The following CMTM6 variants were observed in gnomAD, a reference collection of about 807,000 sequenced individuals.
CMTM6 encodes CKLF like MARVEL transmembrane domain containing 6, also known as CKLF-like MARVEL transmembrane domain-containing protein 6.
A neutral mutation model predicts 13.6 loss-of-function variants in CMTM6; 5 were observed. The observed-to-expected ratio is 0.37, with a 90% confidence interval of 0.19 to 0.77. CMTM6 has a LOEUF of 0.77. CMTM6 is among the 30% of genes least tolerant of loss of function. CMTM6 has a pLI of 0.50. For synonymous variants in CMTM6, 99 were observed against 84.5 expected, an observed-to-expected ratio of 1.17 and a Z score of -0.94; for missense variants, 196 against 218.6, an observed-to-expected ratio of 0.90 and a Z score of 0.65.
At position 32,491,405 on chromosome 3, in the gene CMTM6, A is replaced by C. The variant is rs894406524; in HGVS notation, c.315+305T>G. Among the ~76,000 whole-genome samples, 4 of 152,360 alleles carry C rather than the reference A, an allele frequency of 2.6e-5. No individual in the cohort carries two copies. In the East Asian group the frequency reaches 7.7e-4, roughly 29 times the overall value. On this transcript the variant is annotated intron_variant, in intron 2 of 3. Transcript: ENST00000205636. Reference sequence around the variant, plus strand: ...AATAATTGTAGAACCAATGAGTGACACTCAAAAGTGAGAAATCAGAAGTGA... The same window carrying C: ...AATAATTGTAGAACCAATGAGTGACCCTCAAAAGTGAGAAATCAGAAGTGA...
In CMTM6 at chr3:32,483,222, A is replaced by G. The variant is rs1364538219; in HGVS notation, c.*738T>C. ...TGGTATCAGTTTCTTCCATTTTTTT[A>G]TGTGTTACAAAACAATCTTTTTTTT... On this transcript the variant is annotated 3_prime_UTR_variant, in exon 4 of 4. Coordinates refer to ENST00000205636, the MANE Select transcript of CMTM6 (RefSeq NM_017801.3). The G allele has an allele frequency of 6.6e-6, 1 of 152,492 alleles. No homozygotes were observed. The highest frequency in any genetic ancestry group is 1.9e-4 in the East Asian group (1 of 5,196). 9.4% of individuals were successfully genotyped at this position (152,492 alleles called of 1,614,324 possible).
intron 3 of CMTM6, among the ~76,000 whole-genome samples, chr3:32,487,342 T>C (rs558727595): frequency 1.3e-5 from 2 of 151,604 alleles, no homozygotes; most frequent in Admixed American, 6.6e-5. Flanking sequence ...TAGACCAACT[T>C]TTTTTTCTAT....
intron 1 of CMTM6, among the ~76,000 whole-genome samples, chr3:32,492,762 A>T (rs1697259560): frequency 6.6e-6 from 1 of 152,236 alleles, no homozygotes; most frequent in Admixed American, 6.5e-5. Context: ...ACACAAGATA[A>T]CACATGTGTA....
At chr3:32,497,995 C>T (rs951601492) in intron 1 of CMTM6, among the ~76,000 whole-genome samples, 5 of 152,000 alleles carry the variant, frequency 3.3e-5, no homozygotes, top group Non-Finnish European at 7.4e-5. Flanking sequence ...TCATGGTAAA[C>T]ATAACCCATA....
chr3:32,492,327 A>T (rs1697256555), intron 1 of CMTM6, among the ~76,000 whole-genome samples: 1 of 152,202 alleles, frequency 6.6e-6, no homozygotes, highest in Non-Finnish European at 1.5e-5. Flanking sequence ...CAACATACAG[A>T]CAACACACAC....
chr3:32,495,302 T>C (rs1489952927), intron 1 of CMTM6, among the ~76,000 whole-genome samples: 2 of 152,170 alleles, frequency 1.3e-5, no homozygotes, highest in African/African-American at 4.8e-5. Context: ...AGGTAAGGCA[T>C]TCCCAATCAT....
At chr3:32,488,657 T>A (rs778471640) in intron 2 of CMTM6, among the ~76,000 whole-genome samples, 39 of 152,232 alleles carry the variant, frequency 2.6e-4, no homozygotes, top group African/African-American at 8.9e-4. Context: ...TTTTAGACAC[T>A]GAAGCTTTCT....
chr3:32,482,870 G>A lies in CMTM6; in HGVS notation c.*1090C>T, dbSNP rs1045740636. On this transcript the variant is annotated 3_prime_UTR_variant, in exon 4 of 4. Coordinates refer to ENST00000205636, the MANE Select transcript of CMTM6 (RefSeq NM_017801.3). ...ACTGACAAAAAGTGTCAGAGCCAGA[G>A]GCCAACCTCTGCTAGATGAAGCAGC... The A allele has an allele frequency of 1.3e-5, 2 of 151,962 alleles. No individual in the cohort carries two copies. Among genetic ancestry groups the A allele is most frequent in the African/African-American group, 4.8e-5 (2 of 41,336 alleles). The allele number at this position is 151,962 out of a possible 1,614,324, so 9.4% of individuals were successfully genotyped here.
intron 1 of CMTM6, among the ~76,000 whole-genome samples, chr3:32,498,712 T>C (rs1697316907): frequency 6.6e-6 from 1 of 151,324 alleles, no homozygotes; most frequent in African/African-American, 2.4e-5. Flanking sequence ...CCTGAGTAGC[T>C]GGGATTACAG....
Position 32,502,684 on chromosome 3 carries a change from G to C in CMTM6, c.62C>G (p.Pro21Arg), listed in dbSNP as rs764372570. ...AAAGTAGGCAGCGAGGCCGCTCCGG[G>C]GGCCTCTGGCGGGGCCCGGGTCCTC... ...TEEDPGPARG[P>R]RSGLAAYFFM... is the part of the protein sequence containing the mutation. The change falls in exon 1 of 4, where the codon CCC becomes CGC. Residue 21 changes from proline (P) to arginine (R), a missense_variant. Coordinates refer to ENST00000205636, the MANE Select transcript of CMTM6 (RefSeq NM_017801.3). The C allele has an allele frequency of 2.5e-6, 4 of 1,588,534 alleles. No homozygotes were observed. The African/African-American group carries it at 4.0e-5, about 16-fold the overall frequency.
At chr3:32,499,697 G>A (rs750480074) in intron 1 of CMTM6, among the ~76,000 whole-genome samples, 2 of 152,104 alleles carry the variant, frequency 1.3e-5, no homozygotes, top group African/African-American at 4.8e-5. Flanking sequence ...GCTCTGGAAG[G>A]GTGGATGGTA....
rs1202850882 is a variant in CMTM6 at position 32,482,340 on chromosome 3, AC to A, written c.*1619del. ...CATTAGCCACATTCATGCAATTAAA[AC>A]CCATCTAAGACACACAAATGGCAGA... On this transcript the variant is annotated 3_prime_UTR_variant, in exon 4 of 4. Coordinates refer to ENST00000205636, the MANE Select transcript of CMTM6 (RefSeq NM_017801.3). The A allele has an allele frequency of 6.6e-6, 1 of 151,978 alleles. No homozygotes were observed. The highest frequency in any genetic ancestry group is 2.4e-5 in the African/African-American group (1 of 41,348). 9.4% of individuals were successfully genotyped at this position (151,978 alleles called of 1,614,324 possible).
At chr3:32,493,428 A>G (rs1697265750) in intron 1 of CMTM6, among the ~76,000 whole-genome samples, 1 of 152,222 alleles carries the variant, frequency 6.6e-6, no homozygotes, top group Admixed American at 6.5e-5. Flanking sequence ...TTTCTTTTTA[A>G]AAGGCAAGGG....
chr3:32,484,070 A>C lies in CMTM6; in HGVS notation c.442T>G (p.Phe148Val). ...AGCATAGTGATAAAGTCAAGTAGGA[A>C]CATAAAACTTGCTATAAATCCAAAC... ...IVFGFIASFM[F>V]LLDFITMLYE... Residue 148 changes from phenylalanine to valine, a missense_variant, in exon 4 of 4, where the codon TTC (phenylalanine) becomes GTC (valine). This residue lies in a region of CMTM6 where 111 missense variants were observed against 160.0 expected (regional missense o/e 0.69). Transcript: ENST00000205636. 6.2e-7 allele frequency: 1 copy of C among 1,602,616 alleles called. No individual in the cohort carries two copies. The highest frequency in any genetic ancestry group is 8.5e-7 in the Non-Finnish European group (1 of 1,176,252).
At chr3:32,492,800 C>T (rs1357836319) in intron 1 of CMTM6, among the ~76,000 whole-genome samples, 2 of 152,210 alleles carry the variant, frequency 1.3e-5, no homozygotes, top group Admixed American at 6.5e-5. Flanking sequence ...TAAAAACGCA[C>T]ATTTATTAAC....
intron 1 of CMTM6, among the ~76,000 whole-genome samples, chr3:32,492,223 T>A (rs1205600166): frequency 2.0e-5 from 3 of 151,906 alleles, no homozygotes; most frequent in Non-Finnish European, 4.4e-5. Context: ...CAGAGTCAGT[T>A]TGGGGGATGA....
chr3:32,500,920 C>T (rs1228401254), intron 1 of CMTM6, among the ~76,000 whole-genome samples: 1 of 151,712 alleles, frequency 6.6e-6, no homozygotes, highest in African/African-American at 2.4e-5. Context: ...ATGGGCTGGG[C>T]GCAGTGGCTT....
At chr3:32,484,663 T>G (rs1035166658) in intron 3 of CMTM6, among the ~76,000 whole-genome samples, 3 of 152,170 alleles carry the variant, frequency 2.0e-5, no homozygotes, top group Non-Finnish European at 2.9e-5. Context: ...ACTGTTCTCT[T>G]CTAAAATACG....
chr3:32,501,313 G>T (rs1301834697), intron 1 of CMTM6, among the ~76,000 whole-genome samples: 1 of 151,836 alleles, frequency 6.6e-6, no homozygotes, highest in Non-Finnish European at 1.5e-5. Context: ...ATCATCATGT[G>T]ACAGCTGACA....
Sources: allele counts gnomAD v4.1 joint callset (sites outside exome capture counted in the v4.1 genomes callset), GRCh38; gene constraint gnomAD v4.1.1; regional missense constraint gnomAD v4.1.1; transcripts MANE v1.5; gene names NCBI Gene and HGNC (gene_info 2026-07-23, HGNC 2026-07-21).